The following TLN2 variants were observed in gnomAD, a reference collection of about 807,000 sequenced individuals.
TLN2 encodes the protein talin 2.
In TLN2, 118 loss-of-function variants were observed where a neutral mutation model predicts 294.7. The observed-to-expected ratio is 0.40, with a 90% CI of 0.34 to 0.47. The LOEUF is 0.47. Ranked by LOEUF, TLN2 falls within the 20% of genes least tolerant of loss-of-function variation. The pLI, the probability that TLN2 is intolerant of heterozygous loss-of-function variation, is 0.84. For synonymous variants in TLN2, 1,431 were observed against 1,304.5 expected, an observed-to-expected ratio of 1.10 and a Z score of -2.09; for missense variants, 3,083 against 3,282.2, an observed-to-expected ratio of 0.94 and a Z score of 1.48.
intron 28 of TLN2, 111 bp downstream of exon 28, chr15:62,727,300 C>G (rs936400423): frequency 1.1e-6 from 1 of 928,912 alleles, no homozygotes; most frequent in Non-Finnish European, 1.6e-6. Flanking sequence ...TTTCTCCCAG[C>G]AGTTCACCGT....
intron 2 of TLN2, among the ~76,000 whole-genome samples, chr15:62,591,553 A>G (rs2046077224): frequency 6.6e-6 from 1 of 152,174 alleles, no homozygotes; most frequent in Non-Finnish European, 1.5e-5. Flanking sequence ...GAGTCACACC[A>G]TGGTCAAGGT....
intron 9 of TLN2, among the ~76,000 whole-genome samples, chr15:62,658,577 C>T (rs1285431511): frequency 1.3e-5 from 2 of 152,162 alleles, no homozygotes; most frequent in Non-Finnish European, 1.5e-5. Context: ...AAGGTGACGC[C>T]GTGTCCTGCA....
At chr15:62,608,792 G>A (rs1451353124) in intron 2 of TLN2, among the ~76,000 whole-genome samples, 1 of 152,092 alleles carries the variant, frequency 6.6e-6, no homozygotes, top group Non-Finnish European at 1.5e-5. Flanking sequence ...CAGAACTGGT[G>A]AATGCAAGTC....
intron 1 of TLN2, among the ~76,000 whole-genome samples, chr15:62,437,008 C>T (rs148577125): frequency 0.01 from 1,591 of 152,344 alleles, 33 homozygotes; most frequent in African/African-American, 0.034. Context: ...GGATTAAAGG[C>T]GTGAGCCACT....
rs1359687755 is a variant in TLN2 at position 62,701,101 on chromosome 15, T to C, written c.1588-5T>C. Reference sequence around the variant, plus strand: ...ATTGTGTTGTGCCGTTGTCTGGCTTTGCAGGCATCTAGGGTATGGGTTCAG... The same window carrying C: ...ATTGTGTTGTGCCGTTGTCTGGCTTCGCAGGCATCTAGGGTATGGGTTCAG... On this transcript the variant is annotated splice_polypyrimidine_tract_variant and splice_region_variant and intron_variant, in intron 16 of 58. Coordinates refer to ENST00000636159, the MANE Select transcript of TLN2 (RefSeq NM_015059.3). 6.2e-7 allele frequency: 1 copy of C among 1,613,068 alleles called. No individual in the cohort carries two copies. The highest frequency in any genetic ancestry group is 8.5e-7 in the Non-Finnish European group (1 of 1,179,568).
chr15:62,669,454 A>G (rs2055131994), intron 9 of TLN2, among the ~76,000 whole-genome samples: 1 of 152,236 alleles, frequency 6.6e-6, no homozygotes, highest in Non-Finnish European at 1.5e-5. Context: ...AGGATCTGCT[A>G]TTATGACTGC....
chr15:62,807,703 T>C (rs557125950), intron 51 of TLN2, among the ~76,000 whole-genome samples: 1 of 152,158 alleles, frequency 6.6e-6, no homozygotes, highest in Non-Finnish European at 1.5e-5. Flanking sequence ...TATTTGCCCA[T>C]CCTCAGCCCC....
chr15:62,762,826 G>T (rs2062760520), intron 39 of TLN2, among the ~76,000 whole-genome samples: 1 of 152,174 alleles, frequency 6.6e-6, no homozygotes, highest in Non-Finnish European at 1.5e-5. Context: ...GTATCTAGGA[G>T]TTTAGTCATT....
intron 1 of TLN2, among the ~76,000 whole-genome samples, chr15:62,489,067 A>G (rs749187010): frequency 6.6e-6 from 1 of 152,216 alleles, no homozygotes; most frequent in Non-Finnish European, 1.5e-5. Flanking sequence ...AGGCTGAGGC[A>G]GGAGAATCAC....
At chr15:62,478,897 C>G (rs2037929927) in intron 1 of TLN2, among the ~76,000 whole-genome samples, 1 of 152,224 alleles carries the variant, frequency 6.6e-6, no homozygotes, top group Non-Finnish European at 1.5e-5. Flanking sequence ...AAGCCACCCA[C>G]CAAATGCAGA....
chr15:62,617,588 C>T (rs1022283025), intron 2 of TLN2, among the ~76,000 whole-genome samples: 1 of 152,194 alleles, frequency 6.6e-6, no homozygotes, highest in Non-Finnish European at 1.5e-5. Flanking sequence ...GGTCACCACC[C>T]TGATCAGAGA....
At chr15:62,672,437 A>T (rs1019869601) in intron 9 of TLN2, among the ~76,000 whole-genome samples, 1 of 152,024 alleles carries the variant, frequency 6.6e-6, no homozygotes, top group African/African-American at 2.4e-5. Context: ...GATGTCTGGG[A>T]TTTGCTTCGG....
chr15:62,730,784 G>C (rs1188157979), intron 28 of TLN2, among the ~76,000 whole-genome samples: 1 of 152,116 alleles, frequency 6.6e-6, no homozygotes, highest in East Asian at 1.9e-4. Flanking sequence ...TTTTCCAGCA[G>C]TGTGCCTGGA....
intron 54 of TLN2, chr15:62,831,070 A>C (rs1047189291): frequency 5.3e-5 from 8 of 151,484 alleles, no homozygotes. Flanking sequence ...CAGGCAGCGG[A>C]AGATGTGGGA....
intron 1 of TLN2, among the ~76,000 whole-genome samples, chr15:62,403,909 C>T (rs2140241582): frequency 6.6e-6 from 1 of 152,336 alleles, no homozygotes; most frequent in Non-Finnish European, 1.5e-5. Context: ...CACTTATTGT[C>T]TATCTCACTG....
chr15:62,724,905 TAA>T, intron 26 of TLN2, 69 bp from the exon 27 acceptor site: 2 of 1,535,252 alleles, frequency 1.3e-6, no homozygotes, highest in Admixed American at 3.7e-5. Context: ...GGGCATTTTA[TAA>T]GTTGCAAAAG....
intron 57 of TLN2, among the ~76,000 whole-genome samples, chr15:62,837,060 G>T (rs1028495993): frequency 2.0e-5 from 3 of 152,034 alleles, no homozygotes; most frequent in South Asian, 2.1e-4. Flanking sequence ...TTTTTTTATT[G>T]TAAGTGTTAA....
rs1230893756 is a variant in TLN2 at position 62,748,404 on chromosome 15, C to T, written c.4079C>T (p.Pro1360Leu). The T allele has an allele frequency of 7.4e-6, 12 of 1,613,750 alleles. No individual in the cohort carries two copies. Among genetic ancestry groups the T allele is most frequent in the Admixed American group, 5.0e-5 (3 of 59,986 alleles). ...ATCACTCTGTGTACCCAACAAGCTC[C>T]GGGCCAGAAAGAGTGCGATAATGCC... Reference protein sequence around the residue: ...QLITLCTQQAPGQKECDNALR... With the variant: ...QLITLCTQQALGQKECDNALR... Residue 1360 changes from proline to leucine, a missense_variant, in exon 33 of 59, where the codon CCG becomes CTG. Pro to Leu is a moderately conservative substitution (Grantham distance 98). Coordinates refer to ENST00000636159, the MANE Select transcript of TLN2 (RefSeq NM_015059.3).
intron 2 of TLN2, among the ~76,000 whole-genome samples, chr15:62,591,323 A>T (rs2046059922): frequency 6.6e-6 from 1 of 152,210 alleles, no homozygotes; most frequent in East Asian, 1.9e-4. Context: ...TTTGGGAAAT[A>T]CTGGGACACA....
Sources: gnomAD v4.1 joint callset for allele counts (sites outside exome capture counted in the v4.1 genomes callset) on GRCh38, gnomAD v4.1.1 for gene constraint, MANE v1.5 for transcripts, NCBI Gene and HGNC (gene_info 2026-07-23, HGNC 2026-07-21) for gene names.